FBLN2: variants seen among roughly 807,000 people sequenced by gnomAD.
FBLN2 encodes the protein fibulin-2.
In FBLN2, 81 loss-of-function variants were observed where a neutral mutation model predicts 123.7. That is an observed-to-expected ratio of 0.65 (90% CI 0.55 to 0.79). The LOEUF is 0.79. Ranked by LOEUF, FBLN2 falls within the 30% of genes least tolerant of loss-of-function variation. The pLI, the probability that FBLN2 is intolerant of heterozygous loss-of-function variation, is 0.00. For synonymous variants in FBLN2, 699 were observed against 701.4 expected (o/e 1.00, Z 0.05); for missense variants, 1,603 against 1,681.3 (o/e 0.95, Z 0.81).
chr3:13,552,749 C>A (rs1481643910), intron 1 of FBLN2, among the ~76,000 whole-genome samples: 1 of 152,006 alleles, frequency 6.6e-6, no homozygotes, highest in Non-Finnish European at 1.5e-5. Context: ...GAGGGGCTCC[C>A]TGGAGTTGGC....
chr3:13,555,476 A>T lies in FBLN2; in HGVS notation c.-42+6268A>T, dbSNP rs182690044. ...TTTATTCATTTATTTATTTTTTGAG[A>T]TGGAGTCTCGCTATGTTGCCCAGGC... On this transcript the variant is annotated intron_variant, in intron 1 of 17. Coordinates refer to ENST00000404922, the MANE Select transcript of FBLN2 (RefSeq NM_001004019.2). Among the ~76,000 whole-genome samples, 180 of 150,992 alleles carry T rather than the reference A, an allele frequency of 1.2e-3. 1 individual carries two copies. Among genetic ancestry groups the T allele is most frequent in the African/African-American group, 4.0e-3 (166 of 41,044 alleles).
rs577786379 is a variant in FBLN2 at position 13,591,458 on chromosome 3, G to A, written c.1307-16604G>A. Among the ~76,000 whole-genome samples the A allele has an allele frequency of 1.0e-3, 152 of 152,252 alleles. 1 individual carries two copies. In the South Asian group the frequency reaches 0.03, roughly 30 times the overall value. On this transcript the variant is annotated intron_variant, in intron 2 of 17. Transcript: ENST00000404922. ...TTAGTACATTTTGTATTAACAAATG[G>A]CCCCTAGACATCTCACATGGGGTTT...
chr3:13,549,507 C>T (rs1703265778), intron 1 of FBLN2, among the ~76,000 whole-genome samples: 2 of 151,898 alleles, frequency 1.3e-5, no homozygotes, highest in South Asian at 4.1e-4. Flanking sequence ...CAGCTTCCTC[C>T]GCTCTGGGTT....
chr3:13,566,696 C>T (rs1356027470), intron 1 of FBLN2, among the ~76,000 whole-genome samples: 2 of 152,216 alleles, frequency 1.3e-5, no homozygotes, highest in African/African-American at 4.8e-5. Context: ...GCCCAGACGA[C>T]TTGGGGAACC....
intron 1 of FBLN2, among the ~76,000 whole-genome samples, chr3:13,553,701 G>T (rs1703389066): frequency 6.6e-6 from 1 of 152,242 alleles, no homozygotes; most frequent in Non-Finnish European, 1.5e-5. Flanking sequence ...CTTCCTCGAG[G>T]GTGGGGAGCC....
rs115965571 is a variant in FBLN2 at position 13,594,460 on chromosome 3, G to A, written c.1307-13602G>A. Among the ~76,000 whole-genome samples the A allele has an allele frequency of 5.6e-3, 846 of 152,280 alleles. 5 individuals are homozygous for A. The highest frequency in any genetic ancestry group is 0.019 in the African/African-American group (808 of 41,552). On this transcript the variant is annotated intron_variant, in intron 2 of 17. Transcript: ENST00000404922. ...TGTCTCTCACCATTCCTGGGCTCAG[G>A]GGACCTGCAGCTTGGGCAGCTTTGA...
intron 8 of FBLN2, 144 bp downstream of exon 8, chr3:13,619,975 A>G (rs1705790560): frequency 1.6e-6 from 1 of 611,852 alleles, no homozygotes; most frequent in African/African-American, 1.9e-5. Flanking sequence ...CCCCTAGTGG[A>G]GCAGGTTAAA....
chr3:13,571,810 C>T (rs1178870123), intron 2 of FBLN2, 149 bp downstream of exon 2: 1 of 722,310 alleles, frequency 1.4e-6, no homozygotes, highest in Non-Finnish European at 2.1e-6. Flanking sequence ...TTGGTTTGGG[C>T]AGGAGGCTGT....
chr3:13,583,734 C>A (rs1704410717), intron 2 of FBLN2, among the ~76,000 whole-genome samples: 1 of 152,234 alleles, frequency 6.6e-6, no homozygotes, highest in Non-Finnish European at 1.5e-5. Context: ...CAGTGATAGA[C>A]CCCATATATA....
Position 13,629,149 on chromosome 3 carries a change from G to C in FBLN2, c.2714-15G>C. The C allele has an allele frequency of 6.2e-7, 1 of 1,612,784 alleles. No individual in the cohort carries two copies. Among genetic ancestry groups the C allele is most frequent in the African/African-American group, 1.3e-5 (1 of 75,002 alleles). On this transcript the variant is annotated splice_polypyrimidine_tract_variant and intron_variant, in intron 12 of 17. Coordinates refer to ENST00000404922, the MANE Select transcript of FBLN2 (RefSeq NM_001004019.2). ...GGAGCCCCAGGCCTCAAGGTACCCT[G>C]CTCACCCCCCACAGACGTGAATGAG...
chr3:13,583,924 C>T (rs1185463598), intron 2 of FBLN2, among the ~76,000 whole-genome samples: 2 of 152,204 alleles, frequency 1.3e-5, no homozygotes, highest in African/African-American at 4.8e-5. Flanking sequence ...GGTGAAGACC[C>T]TTAGGGATGA....
At chr3:13,578,672 T>C (rs1704224226) in intron 2 of FBLN2, among the ~76,000 whole-genome samples, 1 of 152,108 alleles carries the variant, frequency 6.6e-6, no homozygotes, top group African/African-American at 2.4e-5. Flanking sequence ...GTTTATTATA[T>C]GGACACATGT....
chr3:13,629,338 C>A (rs1254840931), intron 13 of FBLN2, 46 bp downstream of exon 13: 6 of 1,545,696 alleles, frequency 3.9e-6, no homozygotes, highest in South Asian at 1.2e-5. Context: ...CCTGGCTGGT[C>A]CCCTGCCCTC....
Position 13,571,502 on chromosome 3 carries a change from C to T in FBLN2, c.1147C>T (p.Pro383Ser), listed in dbSNP as rs1453287027. ...TGGCTCTCCCAGGGACCCAGTCAAG[C>T]CCAGCCCCCACAACATCCTGTCCAC... ...VPGSPRDPVK[P>S]SPHNILSTSL... The change falls in exon 2 of 18, where the codon CCC becomes TCC. Residue 383 changes from proline to serine, a missense_variant. Transcript: ENST00000404922. 6.2e-7 allele frequency: 1 copy of T among 1,613,672 alleles called. No individual in the cohort carries two copies. The highest frequency in any genetic ancestry group is 1.7e-5 in the Admixed American group (1 of 60,006).
chr3:13,584,994 A>G (rs566545643), intron 2 of FBLN2, among the ~76,000 whole-genome samples: 15 of 152,306 alleles, frequency 9.8e-5, no homozygotes, highest in Admixed American at 8.5e-4. Context: ...TTCCCCACCA[A>G]GCTGGCCCAC....
intron 1 of FBLN2, among the ~76,000 whole-genome samples, chr3:13,561,418 T>G (rs1026248906): frequency 3.3e-5 from 5 of 151,998 alleles, no homozygotes; most frequent in African/African-American, 1.2e-4. Flanking sequence ...TTGATGTGTG[T>G]CCCCACCCCC....
Position 13,571,115 on chromosome 3 carries a change from C to A in FBLN2, c.760C>A (p.Pro254Thr). 1 of 1,552,960 alleles carries A rather than the reference C, an allele frequency of 6.4e-7. No individual in the cohort carries two copies. Among genetic ancestry groups the A allele is most frequent in the South Asian group, 1.2e-5 (1 of 84,262 alleles). ...APPWPAVLPRPTAAAALGPPA... is the reference protein window; with the variant it reads ...APPWPAVLPRTTAAAALGPPA... The stretch of plus-strand genomic sequence containing the variant: ...CCCCTGGCCAGCTGTCCTCCCCAGG[C>A]CCACAGCGGCTGCTGCCCTGGGTCC... The change falls in exon 2 of 18, where the codon CCC (proline) becomes ACC (threonine). Residue 254 changes from proline (P) to threonine (T), a missense_variant. Coordinates refer to ENST00000404922, the MANE Select transcript of FBLN2 (RefSeq NM_001004019.2).
intron 5 of FBLN2, among the ~76,000 whole-genome samples, chr3:13,615,528 C>T (rs1705568340): frequency 6.6e-6 from 1 of 152,206 alleles, no homozygotes; most frequent in Admixed American, 6.5e-5. Context: ...TTACCTGGGG[C>T]AGGTCACACA....
chr3:13,567,507 GC>G (rs1237551312), intron 1 of FBLN2, among the ~76,000 whole-genome samples: 1 of 152,174 alleles, frequency 6.6e-6, no homozygotes, highest in Admixed American at 6.5e-5. Context: ...ACAGGCACAC[GC>G]CATCATGCCT....
Sources: allele counts gnomAD v4.1 joint callset (sites outside exome capture counted in the v4.1 genomes callset), GRCh38; gene constraint gnomAD v4.1.1; transcripts MANE v1.5; gene names NCBI Gene and HGNC (gene_info 2026-07-23, HGNC 2026-07-21).